ASB2: variants seen among roughly 807,000 people sequenced by gnomAD.
ASB2 encodes ankyrin repeat and SOCS box protein 2.
A neutral mutation model predicts 62.4 loss-of-function variants in ASB2; 58 were observed. The ratio of observed to expected loss-of-function variants is 0.93; its 90% CI spans 0.75 to 1.16. The LOEUF is 1.16. Ranked by LOEUF, ASB2 falls within the 50% of genes most tolerant of loss-of-function variation. ASB2 has a pLI of 0.00. For synonymous variants in ASB2, 386 were observed against 385.3 expected, an observed-to-expected ratio of 1.00 and a Z score of -0.02; for missense variants, 928 against 887.9, an observed-to-expected ratio of 1.05 and a Z score of -0.57.
intron 6 of ASB2, among the ~76,000 whole-genome samples, chr14:93,948,932 C>T (rs1406194039): frequency 6.6e-6 from 1 of 152,194 alleles, no homozygotes; most frequent in Non-Finnish European, 1.5e-5. Flanking sequence ...AAAGTGAGAC[C>T]CTGTTCCCAA....
chr14:93,968,543 C>A (rs1395754852), intron 1 of ASB2, among the ~76,000 whole-genome samples: 1 of 152,210 alleles, frequency 6.6e-6, no homozygotes, highest in Non-Finnish European at 1.5e-5. Context: ...GCAACTGACA[C>A]ACACATGGGT....
chr14:93,976,432 A>G lies in ASB2; in HGVS notation c.-74+2T>C, dbSNP rs113809965. The G allele has an allele frequency of 2.0e-5, 3 of 152,240 alleles. No individual in the cohort carries two copies. The highest frequency in any genetic ancestry group is 2.9e-5 in the Non-Finnish European group (2 of 68,046). 9.4% of individuals were successfully genotyped at this position (152,240 alleles called of 1,614,324 possible). ...TATAAGAAAGTTGAAAGCATGCATT[A>G]CCTGTTAGGCTCTGAAACAAGGGTA... On this transcript the variant is annotated splice_donor_variant, in intron 1 of 9. Transcript: ENST00000555019. LOFTEE classifies it low-confidence loss of function (5UTR_SPLICE).
At position 93,951,105 on chromosome 14, in the gene ASB2, C is replaced by T; in HGVS notation, c.774G>A (p.Val258=). 12 of 1,614,222 alleles carry T rather than the reference C, an allele frequency of 7.4e-6. No homozygotes were observed. Among genetic ancestry groups the T allele is most frequent in the Non-Finnish European group, 1.0e-5 (12 of 1,180,052 alleles). The part of the protein sequence containing the change: ...RNDLEVMQIL[V]SGGAKVESKN... ...TGGATTCCACCTTGGCTCCTCCGCT[C>T]ACCAGGATCTGCATGACCTCCAGGT... The change falls in exon 6 of 10, where the codon GTG becomes GTA. Residue 258 remains valine (V), a synonymous_variant. Transcript: ENST00000555019.
chr14:93,944,015 T>G (rs1228965098), intron 7 of ASB2: 1 of 456,090 alleles, frequency 2.2e-6, no homozygotes, highest in African/African-American at 2.0e-5. Context: ...AAGTCTGTGT[T>G]TTCTGTTGGC....
At chr14:93,956,520 T>C (rs201849242) in intron 3 of ASB2, among the ~76,000 whole-genome samples, 1 of 140,476 alleles carries the variant, frequency 7.1e-6, no homozygotes, top group Non-Finnish European at 1.6e-5. Context: ...TGGGGGCATC[T>C]GAGGGGGGGA....
intron 7 of ASB2, among the ~76,000 whole-genome samples, chr14:93,945,682 T>C (rs1483073286): frequency 6.6e-6 from 1 of 152,174 alleles, no homozygotes; most frequent in East Asian, 1.9e-4. Flanking sequence ...CTCCTCTGTG[T>C]ATGTACTGGG....
At chr14:93,973,275 C>A (rs1053814072) in intron 1 of ASB2, among the ~76,000 whole-genome samples, 2 of 152,200 alleles carry the variant, frequency 1.3e-5, no homozygotes, top group Admixed American at 1.3e-4. Context: ...TGAAATGGAG[C>A]GCCTCTTGCT....
chr14:93,953,547 TACTC>T (rs774749645), intron 4 of ASB2, 40 bp from the exon 5 acceptor site: 26 of 1,525,102 alleles, frequency 1.7e-5, no homozygotes, highest in Non-Finnish European at 2.2e-5. Flanking sequence ...AGGAGAAAGA[TACTC>T]AGCCCCGCAA....
intron 8 of ASB2, among the ~76,000 whole-genome samples, chr14:93,938,300 C>T (rs545531872): frequency 6.0e-5 from 8 of 133,630 alleles, no homozygotes; most frequent in African/African-American, 1.7e-4. Flanking sequence ...AGTGCAGTGG[C>T]GCGATCTCGG....
At chr14:93,970,513 T>C (rs1160743111) in intron 1 of ASB2, among the ~76,000 whole-genome samples, 1 of 152,046 alleles carries the variant, frequency 6.6e-6, no homozygotes, top group African/African-American at 2.4e-5. Context: ...CCTGCTATGG[T>C]CCTGTCTCTC....
At chr14:93,939,700 G>A (rs1888442386) in intron 7 of ASB2, 28 bp from the exon 8 acceptor site, 4 of 1,407,256 alleles carry the variant, frequency 2.8e-6, no homozygotes, top group Non-Finnish European at 3.7e-6. Flanking sequence ...GGGCGCGGGT[G>A]AGGGGAGGGT....
At chr14:93,959,056 C>T (rs143340739) in intron 2 of ASB2, among the ~76,000 whole-genome samples, 1,965 of 152,192 alleles carry the variant, frequency 0.013, 39 homozygotes, top group African/African-American at 0.044. Flanking sequence ...AAAGTCATGC[C>T]GAGCCTCTCC....
chr14:93,955,830 G>A (rs1159509069), intron 3 of ASB2, among the ~76,000 whole-genome samples: 1 of 152,146 alleles, frequency 6.6e-6, no homozygotes, highest in Non-Finnish European at 1.5e-5. Flanking sequence ...GGACCCTAGA[G>A]GTCACGTTGC....
intron 2 of ASB2, 144 bp from the exon 3 acceptor site, chr14:93,957,014 G>A: frequency 6.5e-7 from 1 of 1,535,188 alleles, no homozygotes; most frequent in African/African-American, 1.4e-5. Context: ...AAAGCAGATG[G>A]CCGGGTCCTC....
chr14:93,973,022 G>T lies in ASB2; in HGVS notation c.-74+3412C>A, dbSNP rs148797192. Among the ~76,000 whole-genome samples the T allele has an allele frequency of 7.6e-3, 1,163 of 152,342 alleles. 8 individuals are homozygous for T. The highest frequency in any genetic ancestry group is 0.031 in the Middle Eastern group (9 of 294). On this transcript the variant is annotated intron_variant, in intron 1 of 9. Coordinates refer to ENST00000555019, the MANE Select transcript of ASB2 (RefSeq NM_001202429.2). ...CCCGGCTTTCGGGTGCCAGGGCCTT[G>T]GGGCTTCCAAGGCTGGGCTGGGGCT...
chr14:93,956,024 G>A (rs948366900), intron 3 of ASB2, among the ~76,000 whole-genome samples: 3 of 152,188 alleles, frequency 2.0e-5, no homozygotes, highest in African/African-American at 4.8e-5. Context: ...AGGCTGGGAA[G>A]GAGAAAGAAA....
intron 7 of ASB2, among the ~76,000 whole-genome samples, chr14:93,946,080 GAGAGT>G (rs1888711321): frequency 6.6e-6 from 1 of 152,242 alleles, no homozygotes; most frequent in Non-Finnish European, 1.5e-5. Context: ...ACTAAACGAT[GAGAGT>G]ATAGATATTT....
At chr14:93,954,661 C>G (rs946721862) in intron 3 of ASB2, among the ~76,000 whole-genome samples, 178 bp from the exon 4 acceptor site, 3 of 152,262 alleles carry the variant, frequency 2.0e-5, no homozygotes, top group Non-Finnish European at 4.4e-5. Context: ...CCCTCCATCT[C>G]TGTGGCTTTC....
Position 93,947,390 on chromosome 14 carries a change from G to T in ASB2, c.1011C>A (p.Gly337=). 1 of 1,614,224 alleles carries T rather than the reference G, an allele frequency of 6.2e-7. No individual in the cohort carries two copies. The highest frequency in any genetic ancestry group is 1.1e-5 in the South Asian group (1 of 91,088). The stretch of plus-strand genomic sequence containing the variant: ...TGGAGGCGATGTGCAGCGGGAGCAA[G>T]CCGTCCTTGTTGGTCTTGTTGGCGT... ...GADANKTNKD[G]LLPLHIASKK... is the part of the protein sequence containing the mutation. The change falls in exon 7 of 10, where the codon GGC becomes GGA. Residue 337 remains glycine, a synonymous_variant. Coordinates refer to ENST00000555019, the MANE Select transcript of ASB2 (RefSeq NM_001202429.2).
Sources: gnomAD v4.1 joint callset for allele counts (sites outside exome capture counted in the v4.1 genomes callset) on GRCh38, gnomAD v4.1.1 for gene constraint, MANE v1.5 for transcripts, NCBI Gene and HGNC (gene_info 2026-07-23, HGNC 2026-07-21) for gene names.